The following WDR44 variants were observed in gnomAD, a reference collection of about 807,000 sequenced individuals.
The protein encoded by WDR44 is WD repeat domain 44, also known as WD repeat-containing protein 44.
A neutral mutation model predicts 65.7 loss-of-function variants in WDR44; 9 were observed. That is an observed-to-expected ratio of 0.14 (90% CI 0.08 to 0.24). WDR44 has a LOEUF of 0.24. WDR44 is among the 10% of genes least tolerant of loss of function. The pLI, the probability that WDR44 is intolerant of heterozygous loss-of-function variation, is 1.00. For synonymous variants in WDR44, 220 were observed against 235.2 expected (o/e 0.94, Z 0.59); for missense variants, 425 against 670.9 (o/e 0.63, Z 4.05).
At chrX:118,393,341 G>T in intron 4 of WDR44, 70 bp downstream of exon 4, 1 of 1,090,783 alleles carries the variant, frequency 9.2e-7, no homozygotes, top group South Asian at 2.1e-5. Context: ...CCAGCACTTT[G>T]GGAGGCCAAG....
chrX:118,393,645 A>G (rs1460393155), intron 4 of WDR44, among the ~76,000 whole-genome samples: 4 of 111,706 alleles, frequency 3.6e-5, no homozygotes, highest in African/African-American at 1.3e-4. Context: ...TTTGGAGTTG[A>G]AACTGTTTAC....
At chrX:118,387,304 A>G in intron 2 of WDR44, 36 bp from the exon 3 acceptor site, 1 of 1,015,271 alleles carries the variant, frequency 9.8e-7, no homozygotes, top group Non-Finnish European at 1.3e-6. Flanking sequence ...AAAAGATGTC[A>G]TCATTTGGTC....
chrX:118,368,483 T>TATATATATATATA (rs1569359132), intron 1 of WDR44, among the ~76,000 whole-genome samples: 1 of 87,660 alleles, frequency 1.1e-5, no homozygotes, highest in African/African-American at 5.0e-5. Context: ...ATATATATAC[T>TATATATATATATA]TCTTGAGGAC....
At chrX:118,446,745 T>C (rs1206100647) in intron 19 of WDR44, among the ~76,000 whole-genome samples, 1 of 112,547 alleles carries the variant, frequency 8.9e-6, no homozygotes, top group Non-Finnish European at 1.9e-5. Context: ...TTAGAATGAT[T>C]AAACCTTTAC....
At chrX:118,396,114 TTTC>T (rs751591027) in intron 6 of WDR44, among the ~76,000 whole-genome samples, 22 of 112,013 alleles carry the variant, frequency 2.0e-4, no homozygotes, top group African/African-American at 7.1e-4. Context: ...ATTTTAATGG[TTTC>T]TTATCATTAA....
chrX:118,380,783 C>G (rs938473298), intron 2 of WDR44, among the ~76,000 whole-genome samples: 1 of 111,260 alleles, frequency 9.0e-6, no homozygotes, highest in African/African-American at 3.3e-5. Flanking sequence ...TTTGGAGGAA[C>G]GAGAGGAAGA....
At chrX:118,425,236 C>T (rs2057145774) in intron 12 of WDR44, among the ~76,000 whole-genome samples, 1 of 112,099 alleles carries the variant, frequency 8.9e-6, no homozygotes, top group Non-Finnish European at 1.9e-5. Context: ...TAGGACATTG[C>T]AAGGACTTTG....
intron 2 of WDR44, among the ~76,000 whole-genome samples, chrX:118,382,761 GA>G (rs1188485656): frequency 8.9e-6 from 1 of 111,999 alleles, no homozygotes; most frequent in Non-Finnish European, 1.9e-5. Flanking sequence ...ACTGTTACAT[GA>G]ATTGCTGAAA....
chrX:118,408,511 C>T (rs1396770435), intron 10 of WDR44, among the ~76,000 whole-genome samples: 2 of 110,763 alleles, frequency 1.8e-5, no homozygotes, highest in East Asian at 5.7e-4. Context: ...AGTCCTCCCT[C>T]CTCAGCCTCC....
At position 118,427,912 on chromosome X, in the gene WDR44, T is replaced by G. The variant is rs776106556; in HGVS notation, c.1738-4869T>G. 2.7e-5 allele frequency among the ~76,000 whole-genome samples: 3 copies of G among 109,489 alleles called. No individual in the cohort carries two copies. In the East Asian group the frequency reaches 8.9e-4, roughly 32 times the overall value. On this transcript the variant is annotated intron_variant, in intron 12 of 19. Coordinates refer to ENST00000254029, the MANE Select transcript of WDR44 (RefSeq NM_019045.5). ...GGATGGTCTTGATCTCCTGACCTCA[T>G]GATCTGCCCGCCTCGGCCTCCCAAA...
intron 2 of WDR44, among the ~76,000 whole-genome samples, 198 bp downstream of exon 2, chrX:118,378,650 T>G (rs2056683406): frequency 9.0e-6 from 1 of 110,510 alleles, no homozygotes; most frequent in South Asian, 3.8e-4. Flanking sequence ...GAAGGAACTG[T>G]AAGTATTTTT....
At chrX:118,381,958 G>T (rs1465568101) in intron 2 of WDR44, among the ~76,000 whole-genome samples, 1 of 111,127 alleles carries the variant, frequency 9.0e-6, no homozygotes, top group African/African-American at 3.3e-5. Context: ...TCGAACTCCT[G>T]GTCTCAAGGA....
chrX:118,399,093 C>T (rs2056890966), intron 8 of WDR44, among the ~76,000 whole-genome samples: 1 of 111,853 alleles, frequency 8.9e-6, no homozygotes, highest in Non-Finnish European at 1.9e-5. Flanking sequence ...TCTTTCTAAA[C>T]CCAACTATAA....
At chrX:118,358,804 G>A (rs1258697538) in intron 1 of WDR44, among the ~76,000 whole-genome samples, 3 of 112,026 alleles carry the variant, frequency 2.7e-5, no homozygotes, top group Admixed American at 9.5e-5. Context: ...CAGGCATGGT[G>A]TATCACACCT....
At chrX:118,383,169 T>C (rs1339839446) in intron 2 of WDR44, among the ~76,000 whole-genome samples, 2 of 112,366 alleles carry the variant, frequency 1.8e-5, no homozygotes, top group Non-Finnish European at 3.8e-5. Context: ...GCAGAGTACC[T>C]TAGGAGTTAC....
chrX:118,429,603 A>AC (rs2057189980), intron 12 of WDR44, among the ~76,000 whole-genome samples: 1 of 110,137 alleles, frequency 9.1e-6, no homozygotes, highest in Non-Finnish European at 1.9e-5. Context: ...AAAAAAAAAA[A>AC]GATAAGGAAA....
intron 19 of WDR44, among the ~76,000 whole-genome samples, chrX:118,447,378 A>C (rs1468402593): frequency 9.0e-6 from 1 of 111,358 alleles, no homozygotes; most frequent in African/African-American, 3.3e-5. Context: ...CACAAATTTT[A>C]GTGGATTGTA....
intron 1 of WDR44, among the ~76,000 whole-genome samples, chrX:118,357,381 T>TA (rs2056470224): frequency 1.8e-5 from 2 of 111,976 alleles, no homozygotes; most frequent in African/African-American, 6.5e-5. Flanking sequence ...TCTTTAATTT[T>TA]AAAAAATAAA....
At chrX:118,441,750 T>C (rs5956999) in intron 15 of WDR44, among the ~76,000 whole-genome samples, 191 bp downstream of exon 15, 1 of 109,678 alleles carries the variant, frequency 9.1e-6, no homozygotes, top group African/African-American at 3.3e-5. Flanking sequence ...TTAAAAAAAA[T>C]TTTTTTTTGA....
Sources: gnomAD v4.1 joint callset for allele counts (sites outside exome capture counted in the v4.1 genomes callset) on GRCh38, gnomAD v4.1.1 for gene constraint, MANE v1.5 for transcripts, NCBI Gene and HGNC (gene_info 2026-07-23, HGNC 2026-07-21) for gene names.